LSM14A: variants seen among roughly 807,000 people sequenced by gnomAD.
LSM14A encodes LSM14A mRNA processing body assembly factor.
A neutral mutation model predicts 52.4 loss-of-function variants in LSM14A; 14 were observed. The ratio of observed to expected loss-of-function variants is 0.27; its 90% CI spans 0.18 to 0.42. The LOEUF is 0.42. Ranked by LOEUF, LSM14A falls within the 10% of genes least tolerant of loss-of-function variation. The pLI, the probability that LSM14A is intolerant of heterozygous loss-of-function variation, is 1.00. For missense variants in LSM14A, 417 were observed against 581.8 expected, an observed-to-expected ratio of 0.72 and a Z score of 2.91; for synonymous variants, 185 against 200.3, an observed-to-expected ratio of 0.92 and a Z score of 0.64.
rs2073303412 is a variant in LSM14A, at chr19:34,225,659, A to G, written c.1369-1706A>G. Among the ~76,000 whole-genome samples, 3 of 152,220 alleles carry G rather than the reference A, an allele frequency of 2.0e-5. No homozygotes were observed. The South Asian group carries it at 6.2e-4, about 32-fold the overall frequency. On this transcript the variant is annotated intron_variant, in intron 9 of 9. Coordinates refer to ENST00000544216, the MANE Select transcript of LSM14A (RefSeq NM_015578.4). The stretch of plus-strand genomic sequence containing the variant: ...ATCTCTACGCTACCACACTCACATT[A>G]GATGATAAGGAAACTAAGGACCCCA...
intron 1 of LSM14A, among the ~76,000 whole-genome samples, chr19:34,193,496 T>G (rs1363424149): frequency 6.6e-6 from 1 of 152,148 alleles, no homozygotes; most frequent in Non-Finnish European, 1.5e-5. Flanking sequence ...TTGGACCCTG[T>G]CCCCAGCAAA....
intron 9 of LSM14A, among the ~76,000 whole-genome samples, chr19:34,225,137 C>T (rs1053806223): frequency 3.3e-5 from 5 of 152,184 alleles, no homozygotes; most frequent in Non-Finnish European, 2.9e-5. Context: ...CATGACAACA[C>T]TCAGCTCAAC....
At chr19:34,190,449 A>T (rs1231079316) in intron 1 of LSM14A, among the ~76,000 whole-genome samples, 1 of 151,874 alleles carries the variant, frequency 6.6e-6, no homozygotes, top group East Asian at 1.9e-4. Flanking sequence ...TTTAAATTCT[A>T]CTATGGGTTA....
At chr19:34,180,977 C>T (rs540698309) in intron 1 of LSM14A, among the ~76,000 whole-genome samples, 6 of 152,270 alleles carry the variant, frequency 3.9e-5, no homozygotes, top group African/African-American at 1.4e-4. Context: ...GCCCCTTAAC[C>T]GTGCTTTCTA....
chr19:34,185,040 T>C (rs977290606), intron 1 of LSM14A, among the ~76,000 whole-genome samples: 2 of 152,244 alleles, frequency 1.3e-5, no homozygotes, highest in Non-Finnish European at 2.9e-5. Context: ...TATTGTTTTG[T>C]TATTACATCA....
rs1230129118 is a variant in LSM14A, at chr19:34,227,788, G to A, written c.*400G>A. ...TGATACTGTGTTTTGAGCCACAGAA[G>A]GTTGTGTGTGTGTGTGTGTGTGTGT... is the stretch of plus-strand genomic sequence containing the variant. On this transcript the variant is annotated 3_prime_UTR_variant, in exon 10 of 10. Coordinates refer to ENST00000544216, the MANE Select transcript of LSM14A (RefSeq NM_015578.4). 2 of 165,534 alleles carry A rather than the reference G, an allele frequency of 1.2e-5. No individual in the cohort carries two copies. Among genetic ancestry groups the A allele is most frequent in the East Asian group, 3.4e-4 (2 of 5,798 alleles). The allele number at this position is 165,534 out of a possible 1,614,324, so 10.3% of individuals were successfully genotyped here. A position where few individuals can be genotyped will look rare whatever the true frequency, so the allele number is the denominator to read the frequency against.
intron 1 of LSM14A, among the ~76,000 whole-genome samples, chr19:34,191,579 C>T (rs1351574628): frequency 6.6e-6 from 1 of 151,616 alleles, no homozygotes; most frequent in Non-Finnish European, 1.5e-5. Context: ...GATTTTTCTA[C>T]TCTTTTTTTC....
intron 1 of LSM14A, among the ~76,000 whole-genome samples, chr19:34,181,307 C>T (rs916036603): frequency 6.6e-6 from 1 of 152,192 alleles, no homozygotes; most frequent in Non-Finnish European, 1.5e-5. Context: ...TGTACTTGAA[C>T]TGAATTTCCT....
At chr19:34,191,300 T>G (rs981789786) in intron 1 of LSM14A, among the ~76,000 whole-genome samples, 3 of 152,174 alleles carry the variant, frequency 2.0e-5, no homozygotes, top group Non-Finnish European at 1.5e-5. Flanking sequence ...TTCAGAAAAT[T>G]TCTTCTATTT....
At position 34,227,477 on chromosome 19, in the gene LSM14A, G is replaced by C; in HGVS notation, c.*89G>C. The stretch of plus-strand genomic sequence containing the variant: ...CAGTCTTTGCAAAGAATGAAGAAGT[G>C]AATTCGCTGTACATTTGTCACCAGC... On this transcript the variant is annotated 3_prime_UTR_variant, in exon 10 of 10. Transcript: ENST00000544216. 1 of 1,002,370 alleles carries C rather than the reference G, an allele frequency of 1.0e-6. No homozygotes were observed. The highest frequency in any genetic ancestry group is 1.5e-6 in the Non-Finnish European group (1 of 679,736). The allele number at this position is 1,002,370 out of a possible 1,614,324, so 62.1% of individuals were successfully genotyped here.
intron 6 of LSM14A, among the ~76,000 whole-genome samples, chr19:34,219,092 G>A (rs1209789542): frequency 6.6e-6 from 1 of 152,172 alleles, no homozygotes; most frequent in Non-Finnish European, 1.5e-5. Flanking sequence ...CATTAATTTA[G>A]TGCAGAAGCC....
At chr19:34,214,810 G>T (rs1317928183) in intron 4 of LSM14A, among the ~76,000 whole-genome samples, 1 of 144,514 alleles carries the variant, frequency 6.9e-6, no homozygotes, top group Non-Finnish European at 1.5e-5. Context: ...CTCGTACCTG[G>T]CAGCAATTTT....
At chr19:34,226,527 C>G in intron 9 of LSM14A, 1 of 1,354,212 alleles carries the variant, frequency 7.4e-7, no homozygotes, top group East Asian at 2.6e-5. Context: ...GCAGGTTCAT[C>G]TTGTAGCTCA....
chr19:34,224,184 TA>T (rs2073216344), intron 9 of LSM14A, among the ~76,000 whole-genome samples: 1 of 151,382 alleles, frequency 6.6e-6, no homozygotes, highest in African/African-American at 2.4e-5. Flanking sequence ...TAAAAAAAAT[TA>T]GCCGGGCGTG....
chr19:34,183,404 A>G (rs770885758), intron 1 of LSM14A, among the ~76,000 whole-genome samples: 6 of 152,062 alleles, frequency 3.9e-5, no homozygotes, highest in Non-Finnish European at 7.4e-5. Flanking sequence ...TACAAAAATT[A>G]GCCAGTCGTG....
intron 4 of LSM14A, among the ~76,000 whole-genome samples, chr19:34,210,540 G>A (rs2072062463): frequency 6.6e-6 from 1 of 151,976 alleles, no homozygotes; most frequent in Non-Finnish European, 1.5e-5. Context: ...CCAAAGTGCT[G>A]GGATTGTAGA....
intron 1 of LSM14A, among the ~76,000 whole-genome samples, chr19:34,189,865 A>C (rs1381334767): frequency 6.6e-6 from 1 of 152,182 alleles, no homozygotes; most frequent in Non-Finnish European, 1.5e-5. Context: ...TAATTTGGTA[A>C]ATTTAGAACT....
chr19:34,183,766 G>A (rs762142976), intron 1 of LSM14A, among the ~76,000 whole-genome samples: 1 of 152,132 alleles, frequency 6.6e-6, no homozygotes, highest in Non-Finnish European at 1.5e-5. Context: ...ACATCAACAG[G>A]CACAATGGAA....
intron 2 of LSM14A, chr19:34,195,127 A>C (rs962050371): frequency 6.2e-6 from 1 of 162,470 alleles, no homozygotes; most frequent in Non-Finnish European, 1.3e-5. Context: ...AATGGGGAAA[A>C]AAAAGCAAAA....
Sources: gnomAD v4.1 joint callset for allele counts (sites outside exome capture counted in the v4.1 genomes callset) on GRCh38, gnomAD v4.1.1 for gene constraint, MANE v1.5 for transcripts, NCBI Gene and HGNC (gene_info 2026-07-23, HGNC 2026-07-21) for gene names.